KCNH1: variants seen among roughly 807,000 people sequenced by gnomAD.
KCNH1 encodes voltage-gated delayed rectifier potassium channel KCNH1.
A neutral mutation model predicts 69.2 loss-of-function variants in KCNH1; 27 were observed. The observed-to-expected ratio is 0.39, with a 90% confidence interval of 0.29 to 0.54. The LOEUF is 0.54. Among genes scored for constraint, KCNH1 ranks in the 20% least tolerant of loss-of-function variants. The pLI, the probability that KCNH1 is intolerant of heterozygous loss-of-function variation, is 0.68. For synonymous variants in KCNH1, 456 were observed against 487.7 expected (o/e 0.93, Z 0.86); for missense variants, 798 against 1,261.6 (o/e 0.63, Z 5.57).
At chr1:210,881,017 ATT>A (rs760625361) in intron 7 of KCNH1, among the ~76,000 whole-genome samples, 6 of 112,456 alleles carry the variant, frequency 5.3e-5, no homozygotes, top group African/African-American at 1.4e-4. Flanking sequence ...AAACAGTAAT[ATT>A]TTTTTTTTTT....
At chr1:211,038,805 T>C (rs1446316531) in intron 5 of KCNH1, among the ~76,000 whole-genome samples, 1 of 152,210 alleles carries the variant, frequency 6.6e-6, no homozygotes, top group Admixed American at 6.5e-5. Context: ...GCATTCAAGA[T>C]GTGACTTGGA....
At position 210,775,497 on chromosome 1, in the gene KCNH1, C is replaced by A; in HGVS notation, c.1963G>T (p.Ala655Ser). The A allele has an allele frequency of 6.2e-7, 1 of 1,614,042 alleles. No homozygotes were observed. Among genetic ancestry groups the A allele is most frequent in the Non-Finnish European group, 8.5e-7 (1 of 1,179,942 alleles). Residue 655 changes from alanine (A) to serine (S), a missense_variant, in exon 10 of 11, where the codon GCC (alanine) becomes TCC (serine). Transcript: ENST00000271751. ...GCCCTAACATTGGCACAGGACTGGG[C>A]AAGGGTGGCTTCCTTCCAGAACACA... ...GDVFWKEATL[A>S]QSCANVRALT...
At chr1:210,881,759 C>G (rs570846655) in intron 7 of KCNH1, among the ~76,000 whole-genome samples, 1 of 152,080 alleles carries the variant, frequency 6.6e-6, no homozygotes, top group Non-Finnish European at 1.5e-5. Context: ...ATGTACATTG[C>G]TATGTGAAAG....
intron 6 of KCNH1, among the ~76,000 whole-genome samples, chr1:210,941,202 A>G (rs558620200): frequency 6.6e-6 from 1 of 152,338 alleles, no homozygotes; most frequent in South Asian, 2.1e-4. Flanking sequence ...TACTTAATGC[A>G]AAGGGAAAAC....
chr1:210,943,398 G>A (rs984861774), intron 6 of KCNH1, among the ~76,000 whole-genome samples: 2 of 151,668 alleles, frequency 1.3e-5, no homozygotes, highest in Non-Finnish European at 2.9e-5. Flanking sequence ...GCCCAGGCTG[G>A]AGTGCAGTGG....
intron 10 of KCNH1, among the ~76,000 whole-genome samples, chr1:210,718,801 G>C (rs976238764): frequency 6.6e-6 from 1 of 151,566 alleles, no homozygotes; most frequent in African/African-American, 2.4e-5. Flanking sequence ...CATGTGGCCA[G>C]TGGCTACCAC....
chr1:210,978,743 T>C (rs552282423), intron 6 of KCNH1, among the ~76,000 whole-genome samples: 1 of 152,332 alleles, frequency 6.6e-6, no homozygotes, highest in South Asian at 2.1e-4. Flanking sequence ...CCTTTGTGTC[T>C]ACATAGGTTG....
At chr1:211,111,302 G>A (rs968671540) in intron 1 of KCNH1, among the ~76,000 whole-genome samples, 6 of 150,960 alleles carry the variant, frequency 4.0e-5, no homozygotes, top group African/African-American at 9.8e-5. Context: ...TCTGCCCAGC[G>A]GTCCCACCGT....
At position 210,809,862 on chromosome 1, in the gene KCNH1, C is replaced by T. The variant is rs752036552; in HGVS notation, c.1463-5696G>A. 6.0e-4 allele frequency among the ~76,000 whole-genome samples: 91 copies of T among 152,132 alleles called. 1 individual carries two copies. Among genetic ancestry groups the T allele is most frequent in the Non-Finnish European group, 1.5e-4 (10 of 68,020 alleles). ...GGGGTTATAACAAAGCATGTTTAAC[C>T]TCTCATCCTATTATGGCCAGGAACT... On this transcript the variant is annotated intron_variant, in intron 7 of 10. Transcript: ENST00000271751.
chr1:210,911,942 C>T (rs765535968), intron 7 of KCNH1, among the ~76,000 whole-genome samples: 2 of 152,162 alleles, frequency 1.3e-5, no homozygotes, highest in Non-Finnish European at 2.9e-5. Flanking sequence ...CCCGACCAAA[C>T]ACACATCACA....
chr1:210,796,003 A>ACACACACACAC (rs56321893), intron 9 of KCNH1, among the ~76,000 whole-genome samples: 2 of 147,206 alleles, frequency 1.4e-5, no homozygotes, highest in African/African-American at 5.2e-5. Context: ...ACACACACAC[A>ACACACACACAC]AATTAGCTGG....
chr1:211,057,538 C>T (rs1690335427), intron 5 of KCNH1, among the ~76,000 whole-genome samples: 1 of 152,000 alleles, frequency 6.6e-6, no homozygotes, highest in East Asian at 1.9e-4. Context: ...ACTTGGGAGG[C>T]TGAGGTGAGA....
Position 211,070,863 on chromosome 1 carries a change from A to G in KCNH1, c.558+11917T>C, listed in dbSNP as rs1249320587. ...GGAAAAAAAAAATCACCTAGCCTAA[A>G]AAGAAGGAAAGATAAGAATTACAGT... On this transcript the variant is annotated intron_variant, in intron 5 of 10. Coordinates refer to ENST00000271751, the MANE Select transcript of KCNH1 (RefSeq NM_172362.3). Among the ~76,000 whole-genome samples the G allele has an allele frequency of 2.0e-5, 3 of 152,028 alleles. No homozygotes were observed. In the East Asian group the frequency reaches 5.8e-4, roughly 29 times the overall value.
chr1:210,888,652 C>T (rs1686675404), intron 7 of KCNH1, among the ~76,000 whole-genome samples: 1 of 151,676 alleles, frequency 6.6e-6, no homozygotes, highest in African/African-American at 2.4e-5. Context: ...ACAAAATAGA[C>T]CACTAGCCAG....
chr1:210,973,482 T>G (rs1688550058), intron 6 of KCNH1, among the ~76,000 whole-genome samples: 1 of 152,158 alleles, frequency 6.6e-6, no homozygotes, highest in African/African-American at 2.4e-5. Context: ...TATCCTTTCG[T>G]TTCTAGTCAA....
intron 6 of KCNH1, among the ~76,000 whole-genome samples, chr1:210,948,844 A>G (rs1166832898): frequency 3.3e-5 from 5 of 151,964 alleles, no homozygotes; most frequent in Admixed American, 6.6e-5. Context: ...AAGGAAAAAA[A>G]AAAAAAGAAA....
At chr1:211,008,903 A>T (rs572667572) in intron 6 of KCNH1, among the ~76,000 whole-genome samples, 5 of 152,242 alleles carry the variant, frequency 3.3e-5, no homozygotes, top group Non-Finnish European at 5.9e-5. Context: ...GATTAGTGCT[A>T]TGAAAACAGT....
chr1:210,904,250 C>T (rs1321110794), intron 7 of KCNH1, among the ~76,000 whole-genome samples: 2 of 152,156 alleles, frequency 1.3e-5, no homozygotes, highest in African/African-American at 2.4e-5. Flanking sequence ...AAGAAGAAAG[C>T]AGCAGCTGAG....
intron 7 of KCNH1, chr1:210,861,807 A>G (rs1685984292): frequency 9.2e-6 from 7 of 764,876 alleles, no homozygotes; most frequent in East Asian, 2.4e-5. Context: ...CTAGTTTTTT[A>G]TACTCATAAG....
Sources: allele counts gnomAD v4.1 joint callset (sites outside exome capture counted in the v4.1 genomes callset), GRCh38; gene constraint gnomAD v4.1.1; transcripts MANE v1.5; gene names NCBI Gene and HGNC (gene_info 2026-07-23, HGNC 2026-07-21).